The following PTGES3 variants were observed in gnomAD, a reference collection of about 807,000 sequenced individuals.
PTGES3 encodes prostaglandin E synthase 3, also known as Hsp90 co-chaperone.
Under a neutral mutation model 29.9 loss-of-function variants are expected in PTGES3, and 5 were observed. That is an observed-to-expected ratio of 0.17 (90% CI 0.09 to 0.35). The LOEUF (loss-of-function observed/expected upper bound fraction) is 0.35. PTGES3 is among the 10% of genes least tolerant of loss of function. The pLI, the probability that PTGES3 is intolerant of heterozygous loss-of-function variation, is 1.00. For synonymous variants in PTGES3, 49 were observed against 57.8 expected, an observed-to-expected ratio of 0.85 and a Z score of 0.69; for missense variants, 128 against 190.0, an observed-to-expected ratio of 0.67 and a Z score of 1.92.
Position 56,683,404 on chromosome 12 carries a change from C to T in PTGES3, c.2+4594G>A, listed in dbSNP as rs191109051. Among the ~76,000 whole-genome samples the T allele has an allele frequency of 1.4e-4, 18 of 129,294 alleles. No homozygotes were observed. In the East Asian group the frequency reaches 4.0e-3, roughly 28 times the overall value. 84.8% of individuals were successfully genotyped at this position (129,294 alleles called of 152,430 possible). A position where few individuals can be genotyped will look rare whatever the true frequency, so the allele number is the denominator to read the frequency against. The stretch of plus-strand genomic sequence containing the variant: ...AGGAGAATTGCTTGAACACAGGAGG[C>T]GGAGGTTGCGGTGAGCCGAGACCGT... On this transcript the variant is annotated intron_variant, in intron 1 of 7. Coordinates refer to ENST00000262033, the MANE Select transcript of PTGES3 (RefSeq NM_006601.7).
chr12:56,687,470 G>A lies in PTGES3; in HGVS notation c.2+528C>T, dbSNP rs911336907. Reference sequence around the variant, plus strand: ...GGGAAGTATGTTGCGGCGTGGGCATGGCTTCCTTCTAGTTGCCTAGCAGTA... The same window carrying A: ...GGGAAGTATGTTGCGGCGTGGGCATAGCTTCCTTCTAGTTGCCTAGCAGTA... On this transcript the variant is annotated intron_variant, in intron 1 of 7. Coordinates refer to ENST00000262033, the MANE Select transcript of PTGES3 (RefSeq NM_006601.7). 48 of 989,788 alleles carry A rather than the reference G, an allele frequency of 4.8e-5. No individual in the cohort carries two copies. In the Middle Eastern group the frequency reaches 1.5e-3, roughly 32 times the overall value. 61.3% of individuals were successfully genotyped at this position (989,788 alleles called of 1,614,324 possible).
intron 5 of PTGES3, 132 bp from the exon 6 acceptor site, chr12:56,666,398 T>C (rs575061954): frequency 2.4e-4 from 272 of 1,122,738 alleles, no homozygotes; most frequent in Non-Finnish European, 3.1e-4. Flanking sequence ...TATAAGCATC[T>C]TTCCCTTCTG....
At chr12:56,664,748 T>C (rs376654927) in intron 7 of PTGES3, 28 bp downstream of exon 7, 25 of 1,583,130 alleles carry the variant, frequency 1.6e-5, no homozygotes, top group Middle Eastern at 1.7e-4. Context: ...AGTATCACTG[T>C]ATAAACATAC....
intron 1 of PTGES3, among the ~76,000 whole-genome samples, chr12:56,679,212 C>G (rs1247023280): frequency 6.6e-6 from 1 of 152,076 alleles, no homozygotes; most frequent in East Asian, 1.9e-4. Context: ...GAGTTCAAAC[C>G]AACCATGCCA....
At chr12:56,667,344 A>G (rs1951828453) in intron 5 of PTGES3, among the ~76,000 whole-genome samples, 1 of 152,254 alleles carries the variant, frequency 6.6e-6, no homozygotes, top group African/African-American at 2.4e-5. Context: ...TTTAAATTTT[A>G]GAAAAATAAA....
At chr12:56,687,164 A>T in intron 1 of PTGES3, 1 of 1,018,818 alleles carries the variant, frequency 9.8e-7, no homozygotes, top group Non-Finnish European at 1.2e-6. Flanking sequence ...ACACAAATTT[A>T]AGATCTTTGG....
chr12:56,684,365 G>A (rs1399198937), intron 1 of PTGES3, among the ~76,000 whole-genome samples: 2 of 152,186 alleles, frequency 1.3e-5, no homozygotes, highest in Admixed American at 1.3e-4. Flanking sequence ...TAAAAATCCA[G>A]TTGCCAGGTT....
At position 56,664,433 on chromosome 12, in the gene PTGES3, G is replaced by A. The variant is rs1951716085; in HGVS notation, c.*46C>T. The A allele has an allele frequency of 1.3e-6, 2 of 1,595,452 alleles. No homozygotes were observed. Among genetic ancestry groups the A allele is most frequent in the Non-Finnish European group, 8.5e-7 (1 of 1,170,384 alleles). ...ATTCTCTCAATTATGAAATCTTGCA[G>A]AGAAGTTATTTTTCTTTCTCAAAAT... On this transcript the variant is annotated 3_prime_UTR_variant, in exon 8 of 8. Transcript: ENST00000262033.
rs1262145318 is a variant in PTGES3 at position 56,687,025 on chromosome 12, A to C, written c.2+973T>G. ...CCCGTCAAAAAAAAAAAAAAAAAAA[A>C]AAAAACCCTGTAAAACCGGCAGTTC... is the stretch of plus-strand genomic sequence containing the variant. On this transcript the variant is annotated intron_variant, in intron 1 of 7. Transcript: ENST00000262033. The C allele has an allele frequency of 2.6e-5, 10 of 388,952 alleles. 1 individual carries two copies. Among genetic ancestry groups the C allele is most frequent in the Non-Finnish European group, 3.1e-5 (7 of 224,728 alleles). The allele number at this position is 388,952 out of a possible 1,614,324, so 24.1% of individuals were successfully genotyped here.
At chr12:56,665,671 T>C (rs953086857) in intron 6 of PTGES3, 1 of 976,506 alleles carries the variant, frequency 1.0e-6, no homozygotes, top group African/African-American at 1.8e-5. Flanking sequence ...AGATGGAGCC[T>C]CGCTCTGCTG....
intron 1 of PTGES3, 181 bp downstream of exon 1, chr12:56,687,817 G>A (rs1952954453): frequency 1.4e-6 from 2 of 1,445,862 alleles, no homozygotes; most frequent in African/African-American, 1.5e-5. Context: ...GCAGACATCT[G>A]GAGGAAAAAT....
chr12:56,664,827 AG>A, intron 6 of PTGES3, 27 bp from the exon 7 acceptor site: 1 of 1,592,810 alleles, frequency 6.3e-7, no homozygotes, highest in Non-Finnish European at 8.6e-7. Context: ...AAAGTTACCG[AG>A]CTGATCAAAT....
At chr12:56,668,330 C>T (rs766801105) in intron 5 of PTGES3, among the ~76,000 whole-genome samples, 2 of 152,114 alleles carry the variant, frequency 1.3e-5, no homozygotes, top group Admixed American at 6.6e-5. Context: ...CATAACGCTA[C>T]GTGCTTAAGA....
At chr12:56,670,559 G>A (rs547998816) in intron 4 of PTGES3, 195 bp from the exon 5 acceptor site, 226 of 547,138 alleles carry the variant, frequency 4.1e-4, no homozygotes, top group African/African-American at 4.0e-3. Flanking sequence ...TTCTGACCAA[G>A]GGTCTTGTTT....
chr12:56,664,548 C>T (rs2137570035), intron 7 of PTGES3, 50 bp from the exon 8 acceptor site: 1 of 1,544,334 alleles, frequency 6.5e-7, no homozygotes, highest in Non-Finnish European at 8.8e-7. Context: ...GAATAATCTA[C>T]CAATTTTACT....
At chr12:56,672,500 A>C (rs182112854) in intron 3 of PTGES3, among the ~76,000 whole-genome samples, 7 of 152,326 alleles carry the variant, frequency 4.6e-5, no homozygotes, top group Admixed American at 4.6e-4. Context: ...AAACAAAAAA[A>C]CAAAACAAAT....
chr12:56,666,055 T>C (rs1951773137), intron 6 of PTGES3, 149 bp downstream of exon 6: 2 of 1,399,614 alleles, frequency 1.4e-6, no homozygotes, highest in Non-Finnish European at 1.9e-6. Flanking sequence ...TCGTCAAAAA[T>C]GGGCACATTT....
chr12:56,670,250 G>A (rs2137610265), intron 5 of PTGES3, 25 bp downstream of exon 5: 2 of 1,499,374 alleles, frequency 1.3e-6, no homozygotes, highest in Non-Finnish European at 1.9e-6. Context: ...TTCGAATGGG[G>A]AGAGGTCCAT....
rs576701841 is a variant in PTGES3, at chr12:56,680,709, A to G, written c.2+7289T>C. ...GTTCTCCTTTCAAATGAGGGAATAC[A>G]TATGTGTTTATTCCTGATTCAGGAT... On this transcript the variant is annotated intron_variant, in intron 1 of 7. Transcript: ENST00000262033. Among the ~76,000 whole-genome samples, 293 of 151,328 alleles carry G rather than the reference A, an allele frequency of 1.9e-3. 1 individual carries two copies. The highest frequency in any genetic ancestry group is 1.1e-3 in the Non-Finnish European group (73 of 67,884).
Sources: gnomAD v4.1 joint callset for allele counts (sites outside exome capture counted in the v4.1 genomes callset) on GRCh38, gnomAD v4.1.1 for gene constraint, MANE v1.5 for transcripts, NCBI Gene and HGNC (gene_info 2026-07-23, HGNC 2026-07-21) for gene names.